The following CEP128 variants were observed in gnomAD, a reference collection of about 807,000 sequenced individuals.
CEP128 encodes the protein centrosomal protein 128.
A neutral mutation model predicts 156.7 loss-of-function variants in CEP128; 132 were observed. The ratio of observed to expected loss-of-function variants is 0.84; its 90% CI spans 0.73 to 0.97. CEP128 has a LOEUF of 0.97. CEP128 is among the 50% of genes least tolerant of loss of function. The pLI is 0.00. For missense variants in CEP128, 1,252 were observed against 1,281.9 expected, an observed-to-expected ratio of 0.98 and a Z score of 0.36; for synonymous variants, 469 against 448.9, an observed-to-expected ratio of 1.04 and a Z score of -0.57.
intron 19 of CEP128, among the ~76,000 whole-genome samples, chr14:80,625,437 T>G (rs1462632055): frequency 6.6e-6 from 1 of 152,202 alleles, no homozygotes; most frequent in East Asian, 1.9e-4. Flanking sequence ...TTGAGGTTTT[T>G]GGGTTGTTCA....
chr14:80,675,831 C>T (rs1896037735), intron 19 of CEP128, among the ~76,000 whole-genome samples: 1 of 152,042 alleles, frequency 6.6e-6, no homozygotes, highest in Non-Finnish European at 1.5e-5. Flanking sequence ...AATAGCCCCT[C>T]TATTCCCCCC....
chr14:80,708,503 T>C (rs1897298157), intron 19 of CEP128, among the ~76,000 whole-genome samples: 1 of 152,114 alleles, frequency 6.6e-6, no homozygotes, highest in South Asian at 2.1e-4. Flanking sequence ...CATTTTTTAT[T>C]TTATTATTAT....
intron 2 of CEP128, among the ~76,000 whole-genome samples, chr14:80,922,804 A>C (rs1884943931): frequency 6.6e-6 from 1 of 152,238 alleles, no homozygotes; most frequent in South Asian, 2.1e-4. Flanking sequence ...AAAGAAAAGG[A>C]AGAACTGCTA....
At chr14:80,639,556 T>C (rs1894325788) in intron 19 of CEP128, among the ~76,000 whole-genome samples, 1 of 152,180 alleles carries the variant, frequency 6.6e-6, no homozygotes, top group Admixed American at 6.5e-5. Flanking sequence ...ATATGTTTAT[T>C]GTTGACATTT....
At chr14:80,745,189 T>C (rs1182150712) in intron 18 of CEP128, among the ~76,000 whole-genome samples, 1 of 152,084 alleles carries the variant, frequency 6.6e-6, no homozygotes, top group Non-Finnish European at 1.5e-5. Flanking sequence ...TTTAAAGGTG[T>C]GTAGCACTTC....
intron 19 of CEP128, among the ~76,000 whole-genome samples, chr14:80,607,363 T>A (rs1355552952): frequency 6.6e-6 from 1 of 152,006 alleles, no homozygotes; most frequent in African/African-American, 2.4e-5. Context: ...CAAAAGCGAA[T>A]GTAAAATTAG....
At chr14:80,864,100 A>G (rs1887651673) in intron 8 of CEP128, among the ~76,000 whole-genome samples, 1 of 152,212 alleles carries the variant, frequency 6.6e-6, no homozygotes, top group African/African-American at 2.4e-5. Context: ...CACTTAATGA[A>G]TGGTAAATGT....
intron 4 of CEP128, among the ~76,000 whole-genome samples, chr14:80,910,285 T>C (rs951521681): frequency 2.0e-5 from 3 of 152,228 alleles, no homozygotes; most frequent in Non-Finnish European, 4.4e-5. Flanking sequence ...ATTGAATGGC[T>C]ATGATCTGGA....
chr14:80,640,506 G>C (rs538292047), intron 19 of CEP128, among the ~76,000 whole-genome samples: 1 of 152,234 alleles, frequency 6.6e-6, no homozygotes, highest in East Asian at 1.9e-4. Flanking sequence ...CTGCTACACA[G>C]AATACTATGA....
chr14:80,488,697 C>T (rs549416983), downstream of CEP128, among the ~76,000 whole-genome samples: 113 of 152,110 alleles, frequency 7.4e-4, 1 homozygote, highest in African/African-American at 2.5e-3. Flanking sequence ...ATGTTTATTG[C>T]GGCACTATTC....
At chr14:80,523,426 T>C (rs1888837419) in intron 23 of CEP128, among the ~76,000 whole-genome samples, 2 of 152,216 alleles carry the variant, frequency 1.3e-5, no homozygotes, top group East Asian at 1.9e-4. Context: ...TTTAGCCCTT[T>C]TCATTTTTGT....
At chr14:80,571,525 G>A (rs980201404) in intron 20 of CEP128, among the ~76,000 whole-genome samples, 1 of 152,030 alleles carries the variant, frequency 6.6e-6, no homozygotes, top group African/African-American at 2.4e-5. Flanking sequence ...CACTGGAAAA[G>A]GAATGCACTT....
At chr14:80,808,266 T>C (rs576253959) in intron 13 of CEP128, among the ~76,000 whole-genome samples, 42 of 152,350 alleles carry the variant, frequency 2.8e-4, no homozygotes, top group Non-Finnish European at 4.4e-4. Flanking sequence ...GGGCTGTGCA[T>C]GGCAACTATG....
chr14:80,629,238 T>A (rs1285169573), intron 19 of CEP128, among the ~76,000 whole-genome samples: 2 of 152,186 alleles, frequency 1.3e-5, no homozygotes, highest in Non-Finnish European at 2.9e-5. Flanking sequence ...GTGAGTTGTG[T>A]GGTCTTTGAC....
chr14:80,780,402 A>C (rs149964233), intron 15 of CEP128, among the ~76,000 whole-genome samples: 1 of 152,140 alleles, frequency 6.6e-6, no homozygotes, highest in Non-Finnish European at 1.5e-5. Context: ...TTTTTCCTTA[A>C]GGGTAAATTG....
At chr14:80,526,846 A>G (rs1234476312) in intron 23 of CEP128, 23 bp downstream of exon 23, 2 of 1,377,186 alleles carry the variant, frequency 1.5e-6, no homozygotes, top group Non-Finnish European at 1.0e-6. Context: ...TTAAAGACTA[A>G]AAAAGTATAT....
Position 80,956,435 on chromosome 14 carries a change from A to G in CEP128, c.-172+1743T>C, listed in dbSNP as rs1372318760. Among the ~76,000 whole-genome samples the G allele has an allele frequency of 3.3e-5, 5 of 152,348 alleles. No individual in the cohort carries two copies. The East Asian group carries it at 9.6e-4, about 29-fold the overall frequency. On this transcript the variant is annotated intron_variant, in intron 2 of 7. Coordinates refer to the CEP128 transcript ENST00000555529. ...TACGTCCAGAACCCTGCTTTGTGATAGAGGTATAAAGAAATGAAATTTCAT... is the reference window on the plus strand; with the variant it reads ...TACGTCCAGAACCCTGCTTTGTGATGGAGGTATAAAGAAATGAAATTTCAT...
At chr14:80,542,919 T>C (rs536422398) in intron 21 of CEP128, among the ~76,000 whole-genome samples, 29 of 152,294 alleles carry the variant, frequency 1.9e-4, no homozygotes, top group Admixed American at 5.2e-4. Flanking sequence ...ATCTTCTCTG[T>C]CCTCAAAATA....
chr14:80,609,461 C>G (rs1396204974), intron 19 of CEP128, among the ~76,000 whole-genome samples: 1 of 152,244 alleles, frequency 6.6e-6, no homozygotes, highest in Middle Eastern at 3.4e-3. Flanking sequence ...TTATGGTTCC[C>G]TCTGGCCCCC....
Sources: gnomAD v4.1 joint callset for allele counts (sites outside exome capture counted in the v4.1 genomes callset) on GRCh38, gnomAD v4.1.1 for gene constraint, MANE v1.5 for transcripts, NCBI Gene and HGNC (gene_info 2026-07-23, HGNC 2026-07-21) for gene names.